ARHGEF26: variants seen among roughly 807,000 people sequenced by gnomAD.
The protein encoded by ARHGEF26 is Rho guanine nucleotide exchange factor (GEF) 26.
ARHGEF26 carries 59 observed loss-of-function variants against 89.4 expected under a neutral mutation model. The observed-to-expected ratio is 0.66, with a 90% CI of 0.54 to 0.82. The LOEUF is 0.82. Among genes scored for constraint, ARHGEF26 ranks in the 40% least tolerant of loss-of-function variants. The pLI is 0.00. For synonymous variants in ARHGEF26, 500 were observed against 428.4 expected (o/e 1.17, Z -2.06); for missense variants, 1,234 against 1,085.6 (o/e 1.14, Z -1.92).
intron 10 of ARHGEF26, among the ~76,000 whole-genome samples, chr3:154,218,401 C>G (rs1249238003): frequency 6.6e-6 from 1 of 152,088 alleles, no homozygotes; most frequent in Non-Finnish European, 1.5e-5. Flanking sequence ...TAATTTTTTT[C>G]AAGTTTGTTT....
intron 4 of ARHGEF26, among the ~76,000 whole-genome samples, chr3:154,136,647 A>G (rs1358031994): frequency 1.3e-5 from 2 of 152,224 alleles, no homozygotes; most frequent in African/African-American, 4.8e-5. Context: ...GAGCTCAACA[A>G]ATGTAATATA....
intron 4 of ARHGEF26, among the ~76,000 whole-genome samples, chr3:154,137,904 C>T (rs1719114347): frequency 6.6e-6 from 1 of 152,012 alleles, no homozygotes; most frequent in Non-Finnish European, 1.5e-5. Context: ...CAATCCCAGT[C>T]TCTATCCCCT....
chr3:154,219,352 T>G (rs1715971998), intron 10 of ARHGEF26, among the ~76,000 whole-genome samples: 1 of 151,952 alleles, frequency 6.6e-6, no homozygotes. Flanking sequence ...CCCAGCACTT[T>G]GGGAGGCCGA....
At chr3:154,245,735 T>C (rs1357008337) in intron 12 of ARHGEF26, among the ~76,000 whole-genome samples, 1 of 152,162 alleles carries the variant, frequency 6.6e-6, no homozygotes, top group South Asian at 2.1e-4. Flanking sequence ...GCTACATCCT[T>C]CCTTTCCTTT....
intron 5 of ARHGEF26, among the ~76,000 whole-genome samples, chr3:154,150,927 A>G (rs1719983841): frequency 6.6e-6 from 1 of 152,166 alleles, no homozygotes; most frequent in Admixed American, 6.6e-5. Context: ...TTTAGCAATT[A>G]TTTTATTAAA....
chr3:154,133,096 A>ATATAAGAAG (rs1718788279), intron 4 of ARHGEF26, among the ~76,000 whole-genome samples: 1 of 152,186 alleles, frequency 6.6e-6, no homozygotes, highest in Non-Finnish European at 1.5e-5. Flanking sequence ...TTATCAGTTG[A>ATATAAGAAG]CTATAAGAAG....
At chr3:154,181,282 G>A (rs915731283) in intron 6 of ARHGEF26, among the ~76,000 whole-genome samples, 3 of 152,130 alleles carry the variant, frequency 2.0e-5, no homozygotes, top group Non-Finnish European at 2.9e-5. Context: ...TTTGTTTAGG[G>A]AAGATATTTT....
At position 154,225,862 on chromosome 3, in the gene ARHGEF26, C is replaced by G. The variant is rs760306585; in HGVS notation, c.1942C>G (p.Pro648Ala). The change falls in exon 11 of 15, where the codon CCT becomes GCT. Residue 648 changes from proline (P) to alanine (A), a missense_variant. Transcript: ENST00000465093. ...SQLEFKIKPF[P>A]LVSSSRWLVK... ...GGTTTTTCTCCTTTTGTAGCCTTTT[C>G]CTTTAGTCTCCTCTTCCCGGTGGTT... The G allele has an allele frequency of 6.3e-7, 1 of 1,595,038 alleles. No individual in the cohort carries two copies. The highest frequency in any genetic ancestry group is 8.5e-7 in the Non-Finnish European group (1 of 1,172,612).
At chr3:154,236,313 T>C (rs1261128073) in intron 11 of ARHGEF26, among the ~76,000 whole-genome samples, 1 of 152,210 alleles carries the variant, frequency 6.6e-6, no homozygotes, top group African/African-American at 2.4e-5. Flanking sequence ...CTGTTTACAC[T>C]TCAAGCAACA....
At chr3:154,202,574 T>A (rs1328228281) in intron 9 of ARHGEF26, among the ~76,000 whole-genome samples, 1 of 152,206 alleles carries the variant, frequency 6.6e-6, no homozygotes, top group African/African-American at 2.4e-5. Context: ...TGGCATTGAA[T>A]CTATGAATTA....
chr3:154,230,302 C>T (rs895471383), intron 11 of ARHGEF26, among the ~76,000 whole-genome samples: 3 of 152,164 alleles, frequency 2.0e-5, no homozygotes, highest in Admixed American at 6.5e-5. Context: ...CAGATGAAGA[C>T]GCTGAGGAAA....
At chr3:154,147,049 T>C (rs1467950945) in intron 4 of ARHGEF26, among the ~76,000 whole-genome samples, 2 of 152,116 alleles carry the variant, frequency 1.3e-5, no homozygotes, top group Non-Finnish European at 1.5e-5. Flanking sequence ...TTTAAAGGAG[T>C]GTTGCTTTGG....
intron 10 of ARHGEF26, among the ~76,000 whole-genome samples, chr3:154,222,042 CTTA>C (rs965974997): frequency 6.6e-6 from 1 of 152,162 alleles, no homozygotes; most frequent in Non-Finnish European, 1.5e-5. Context: ...ATAATGTACC[CTTA>C]TTATTAACTT....
At chr3:154,198,932 G>C (rs1165815330) in intron 9 of ARHGEF26, among the ~76,000 whole-genome samples, 1 of 151,970 alleles carries the variant, frequency 6.6e-6, no homozygotes, top group Admixed American at 6.6e-5. Flanking sequence ...TATTAATTTT[G>C]TGGGTACATA....
rs186853659 is a variant in ARHGEF26, at chr3:154,193,700, A to G, written c.1771-944A>G. On this transcript the variant is annotated intron_variant, in intron 8 of 14. Transcript: ENST00000465093. ...TTCCCTGGGCTTTGAATGTGTGTGT[A>G]TAGCTTTAAAGTTATATGTAATTAA... Among the ~76,000 whole-genome samples the G allele has an allele frequency of 1.4e-3, 213 of 152,294 alleles. 3 individuals carry two copies. Among genetic ancestry groups the G allele is most frequent in the Admixed American group, 0.012 (182 of 15,284 alleles).
intron 6 of ARHGEF26, among the ~76,000 whole-genome samples, chr3:154,179,377 A>G (rs190347017): frequency 6.6e-6 from 1 of 152,200 alleles, no homozygotes; most frequent in African/African-American, 2.4e-5. Flanking sequence ...CTGATTGCCT[A>G]ATGAGAAGCT....
intron 4 of ARHGEF26, among the ~76,000 whole-genome samples, chr3:154,139,812 A>T (rs995659966): frequency 6.6e-6 from 1 of 152,160 alleles, no homozygotes; most frequent in East Asian, 1.9e-4. Context: ...ATTAGCCTGT[A>T]CTCTAATATC....
chr3:154,226,358 C>G (rs1216871227), intron 11 of ARHGEF26, among the ~76,000 whole-genome samples: 1 of 152,078 alleles, frequency 6.6e-6, no homozygotes, highest in East Asian at 1.9e-4. Context: ...TTGTGTAAAA[C>G]AGAAAAAAGT....
At chr3:154,148,775 C>G (rs1236123519) in intron 4 of ARHGEF26, among the ~76,000 whole-genome samples, 1 of 152,138 alleles carries the variant, frequency 6.6e-6, no homozygotes, top group East Asian at 1.9e-4. Flanking sequence ...AGTCTCCTCC[C>G]TTATTAAAAT....
Sources: gnomAD v4.1 joint callset for allele counts (sites outside exome capture counted in the v4.1 genomes callset) on GRCh38, gnomAD v4.1.1 for gene constraint, MANE v1.5 for transcripts, NCBI Gene and HGNC (gene_info 2026-07-23, HGNC 2026-07-21) for gene names.